The following AFAP1L2 variants were observed in gnomAD, a reference collection of about 807,000 sequenced individuals.
The protein encoded by AFAP1L2 is actin filament associated protein 1 like 2.
AFAP1L2 carries 46 observed loss-of-function variants against 99.3 expected under a neutral mutation model. The ratio of observed to expected loss-of-function variants is 0.46; its 90% CI spans 0.37 to 0.59. The LOEUF (loss-of-function observed/expected upper bound fraction) is 0.59. AFAP1L2 is among the 20% of genes least tolerant of loss of function. AFAP1L2 has a pLI of 0.00. For missense variants in AFAP1L2, 959 were observed against 1,034.9 expected, an observed-to-expected ratio of 0.93 and a Z score of 1.01; for synonymous variants, 397 against 419.1, an observed-to-expected ratio of 0.95 and a Z score of 0.64.
Position 114,381,295 on chromosome 10 carries a change from A to G in AFAP1L2, c.16+23145T>C, listed in dbSNP as rs1352413243. On this transcript the variant is annotated intron_variant, in intron 1 of 18. Coordinates refer to ENST00000304129, the MANE Select transcript of AFAP1L2 (RefSeq NM_001001936.3). The stretch of plus-strand genomic sequence containing the variant: ...AGTCTGTCACAAGAGTCTACATAGC[A>G]TATGATTCCATTCAAAAGAAAGTTC... Among the ~76,000 whole-genome samples the G allele has an allele frequency of 5.9e-5, 9 of 152,362 alleles. 1 individual carries two copies. In the South Asian group the frequency reaches 1.7e-3, roughly 28 times the overall value.
intron 1 of AFAP1L2, among the ~76,000 whole-genome samples, chr10:114,371,530 T>TA (rs1008765726): frequency 2.6e-5 from 4 of 151,542 alleles, no homozygotes; most frequent in East Asian, 1.9e-4. Context: ...TTTCTTTTTT[T>TA]AAAAAAAACA....
chr10:114,326,224 C>T lies in AFAP1L2; in HGVS notation c.316-2963G>A, dbSNP rs148740777. On this transcript the variant is annotated intron_variant, in intron 4 of 18. Coordinates refer to ENST00000304129, the MANE Select transcript of AFAP1L2 (RefSeq NM_001001936.3). ...AAATAGCTCAGAGAAGTTTGAGCTA[C>T]GCGAGGTGTGCAAAATGTATCAAGC... 3.0e-3 allele frequency among the ~76,000 whole-genome samples: 461 copies of T among 152,254 alleles called. 2 individuals carry two copies. The highest frequency in any genetic ancestry group is 0.018 in the South Asian group (85 of 4,822).
the AFAP1L2 span, chr10:114,286,618 GA>G: frequency 1.1e-6 from 1 of 945,658 alleles, no homozygotes; most frequent in East Asian, 2.6e-5. Flanking sequence ...TCTAGGGGCT[GA>G]AACCACAGCC....
chr10:114,404,768 C>T (rs1317272999), upstream of AFAP1L2: 2 of 304,576 alleles, frequency 6.6e-6, no homozygotes, highest in Non-Finnish European at 1.2e-5. Flanking sequence ...CCCTTCACGT[C>T]TTGACTCCGG....
chr10:114,289,284 C>T, the AFAP1L2 span: 3 of 1,613,944 alleles, frequency 1.9e-6, no homozygotes, highest in East Asian at 2.2e-5. Context: ...TGGTGGTGCT[C>T]ACAGGCGGGA....
intron 1 of AFAP1L2, among the ~76,000 whole-genome samples, chr10:114,383,238 G>A (rs1053158011): frequency 6.6e-6 from 1 of 152,174 alleles, no homozygotes; most frequent in Admixed American, 6.5e-5. Flanking sequence ...GGCTCTGAGG[G>A]ACTTCCTTTT....
chr10:114,332,823 C>T (rs1212320460), intron 3 of AFAP1L2, among the ~76,000 whole-genome samples: 1 of 152,224 alleles, frequency 6.6e-6, no homozygotes, highest in South Asian at 2.1e-4. Flanking sequence ...ACTATTAAGG[C>T]AGTTGCTGAC....
At chr10:114,400,864 T>G (rs2058166077) in intron 1 of AFAP1L2, among the ~76,000 whole-genome samples, 1 of 152,186 alleles carries the variant, frequency 6.6e-6, no homozygotes, top group South Asian at 2.1e-4. Context: ...GATGATTCCA[T>G]GCACAGCAAA....
At chr10:114,360,506 TAGTTAGATAG>T (rs2052153674) in intron 1 of AFAP1L2, among the ~76,000 whole-genome samples, 1 of 93,092 alleles carries the variant, frequency 1.1e-5, no homozygotes, top group African/African-American at 3.9e-5. Flanking sequence ...GATAGATAGA[TAGTTAGATAG>T]ATAGATAGAT....
intron 1 of AFAP1L2, among the ~76,000 whole-genome samples, chr10:114,355,137 C>G (rs966287537): frequency 6.6e-6 from 1 of 152,110 alleles, no homozygotes; most frequent in Non-Finnish European, 1.5e-5. Flanking sequence ...CAACAAACAC[C>G]GAGGGGTATG....
At chr10:114,299,024 GA>G (rs2040698239) in intron 16 of AFAP1L2, among the ~76,000 whole-genome samples, 1 of 152,214 alleles carries the variant, frequency 6.6e-6, no homozygotes, top group South Asian at 2.1e-4. Context: ...CTTTTACGAT[GA>G]CCTGCTGGTC....
chr10:114,325,811 A>G, intron 4 of AFAP1L2: 1 of 1,206,832 alleles, frequency 8.3e-7, no homozygotes. Context: ...AAAGGCTGAG[A>G]CAGTGACAGA....
chr10:114,388,622 C>T (rs1263920720), intron 1 of AFAP1L2, among the ~76,000 whole-genome samples: 1 of 152,222 alleles, frequency 6.6e-6, no homozygotes, highest in African/African-American at 2.4e-5. Context: ...TCCAGCCTAC[C>T]TCTGCACTGA....
At chr10:114,334,583 G>C (rs1330462813) in intron 2 of AFAP1L2, among the ~76,000 whole-genome samples, 1 of 152,222 alleles carries the variant, frequency 6.6e-6, no homozygotes, top group Non-Finnish European at 1.5e-5. Flanking sequence ...TACAGCCTCA[G>C]TGATGAGCAC....
downstream of AFAP1L2, among the ~76,000 whole-genome samples, chr10:114,292,840 G>A (rs1204896644): frequency 6.6e-6 from 1 of 151,998 alleles, no homozygotes; most frequent in Non-Finnish European, 1.5e-5. Context: ...TGAGTAGCTG[G>A]GATTAGAGGC....
intron 1 of AFAP1L2, among the ~76,000 whole-genome samples, chr10:114,356,046 AATATAAAATACATTTCTTACCATGT>A (rs1181012108): frequency 6.6e-6 from 1 of 152,334 alleles, no homozygotes; most frequent in East Asian, 1.9e-4. Context: ...CCTGGGGAAC[AATATAAAATACATTTCTTACCATGT>A]ATATAAAATA....
intron 7 of AFAP1L2, among the ~76,000 whole-genome samples, chr10:114,311,303 G>A (rs2043204051): frequency 1.3e-5 from 2 of 152,278 alleles, no homozygotes; most frequent in African/African-American, 4.8e-5. Flanking sequence ...AACTCCCAGG[G>A]CGACCAGAAA....
chr10:114,288,162 G>A, the AFAP1L2 span, among the ~76,000 whole-genome samples: 37,970 of 152,054 alleles, frequency 0.25, 5,013 homozygotes, highest in African/African-American at 0.33. Flanking sequence ...GCACAGGAGA[G>A]GCCTTCTGGC....
intron 8 of AFAP1L2, 28 bp from the exon 9 acceptor site, chr10:114,308,545 A>T (rs1410364064): frequency 1.9e-6 from 3 of 1,599,434 alleles, no homozygotes; most frequent in Non-Finnish European, 1.7e-6. Flanking sequence ...ATGAATGGGG[A>T]TCACTGGCTG....
Sources: allele counts gnomAD v4.1 joint callset (sites outside exome capture counted in the v4.1 genomes callset), GRCh38; gene constraint gnomAD v4.1.1; transcripts MANE v1.5; gene names NCBI Gene and HGNC (gene_info 2026-07-23, HGNC 2026-07-21).